ZFYVE21: variants seen among roughly 807,000 people sequenced by gnomAD.
The protein encoded by ZFYVE21 is zinc finger FYVE domain-containing protein 21.
In ZFYVE21, 21 loss-of-function variants were observed where a neutral mutation model predicts 29.5. The observed-to-expected ratio is 0.71, with a 90% confidence interval of 0.50 to 1.02. The LOEUF is 1.02. Among genes scored for constraint, ZFYVE21 ranks in the 50% least tolerant of loss-of-function variants. The probability of loss-of-function intolerance (pLI) is 0.00; values close to 1 mark genes in which losing one functional copy is unlikely to be tolerated. For synonymous variants in ZFYVE21, 151 were observed against 133.8 expected, an observed-to-expected ratio of 1.13 and a Z score of -0.89; for missense variants, 326 against 335.4, an observed-to-expected ratio of 0.97 and a Z score of 0.22.
intron 5 of ZFYVE21, chr14:103,731,701 AGCCTTGGT>A (rs2083976786): frequency 6.6e-6 from 1 of 152,252 alleles, no homozygotes; most frequent in Non-Finnish European, 1.5e-5. Flanking sequence ...CTCCGACTGC[AGCCTTGGT>A]GCCCACTCCA....
At chr14:103,719,755 C>T (rs1390403229) in intron 1 of ZFYVE21, among the ~76,000 whole-genome samples, 1 of 152,024 alleles carries the variant, frequency 6.6e-6, no homozygotes, top group East Asian at 1.9e-4. Flanking sequence ...TTCTGGGAAC[C>T]AGCAGCCTCA....
chr14:103,729,264 T>G, intron 5 of ZFYVE21, 82 bp downstream of exon 5: 1 of 1,451,646 alleles, frequency 6.9e-7, no homozygotes, highest in Non-Finnish European at 9.6e-7. Flanking sequence ...ACTTTTGGGA[T>G]CAGGCAGCTG....
At chr14:103,722,327 G>C (rs1490300418) in intron 1 of ZFYVE21, among the ~76,000 whole-genome samples, 2 of 149,860 alleles carry the variant, frequency 1.3e-5, no homozygotes, top group African/African-American at 2.5e-5. Context: ...TTTTAAGGGG[G>C]CAAATCCTAG....
chr14:103,733,289 C>G lies in ZFYVE21; in HGVS notation c.*271C>G, dbSNP rs578027707. The G allele has an allele frequency of 4.1e-5, 18 of 440,464 alleles. No individual in the cohort carries two copies. Among genetic ancestry groups the G allele is most frequent in the African/African-American group, 3.2e-4 (16 of 50,028 alleles). The allele number at this position is 440,464 out of a possible 1,614,324, so 27.3% of individuals were successfully genotyped here. A position where few individuals can be genotyped will look rare whatever the true frequency, so the allele number is the denominator to read the frequency against. ...GAGACTGAGCTACACTACTGCTAAACTATTTTTAGCATAATATATACCATT... is the reference window on the plus strand; with the variant it reads ...GAGACTGAGCTACACTACTGCTAAAGTATTTTTAGCATAATATATACCATT... On this transcript the variant is annotated 3_prime_UTR_variant, in exon 7 of 7. Transcript: ENST00000311141.
intron 5 of ZFYVE21, chr14:103,729,730 C>T: frequency 6.5e-7 from 1 of 1,527,354 alleles, no homozygotes; most frequent in South Asian, 1.2e-5. Context: ...TGCTTTCCTT[C>T]CGTTCTCTCA....
chr14:103,727,952 C>T, intron 3 of ZFYVE21, 38 bp downstream of exon 3: 1 of 1,567,380 alleles, frequency 6.4e-7, no homozygotes, highest in Non-Finnish European at 8.7e-7. Flanking sequence ...GCGCGCTCCG[C>T]CAGCCGGCTC....
chr14:103,730,140 C>T (rs530336085), intron 5 of ZFYVE21: 4 of 386,212 alleles, frequency 1.0e-5, no homozygotes, highest in East Asian at 9.3e-5. Flanking sequence ...GGCCAGGGGG[C>T]GTGGGGGCTC....
intron 1 of ZFYVE21, among the ~76,000 whole-genome samples, chr14:103,721,285 C>G (rs1304467304): frequency 2.0e-5 from 3 of 152,242 alleles, no homozygotes; most frequent in Non-Finnish European, 4.4e-5. Flanking sequence ...GCCCAGGGCT[C>G]TGACTCCTGT....
chr14:103,729,043 G>T (rs753208483), intron 4 of ZFYVE21, 48 bp from the exon 5 acceptor site: 4 of 1,613,250 alleles, frequency 2.5e-6, no homozygotes, highest in Non-Finnish European at 3.4e-6. Context: ...AGCCTCGGTG[G>T]CACTGAGCCT....
At chr14:103,726,883 AG>A (rs1207852206) in intron 2 of ZFYVE21, 41 bp downstream of exon 2, 1 of 1,601,986 alleles carries the variant, frequency 6.2e-7, no homozygotes, top group African/African-American at 1.4e-5. Flanking sequence ...GGAAGAGGGG[AG>A]GGGCCCCAAC....
intron 1 of ZFYVE21, chr14:103,725,459 C>T (rs1361145537): frequency 6.6e-6 from 1 of 152,320 alleles, no homozygotes; most frequent in Non-Finnish European, 1.5e-5. Context: ...GGCCACGCTC[C>T]ATTTGGGGCT....
At chr14:103,726,550 C>T (rs1292387439) in intron 1 of ZFYVE21, 2 of 525,758 alleles carry the variant, frequency 3.8e-6, no homozygotes, top group African/African-American at 3.9e-5. Flanking sequence ...ACCTCAGGCC[C>T]CATGGTTACG....
chr14:103,715,826 A>C lies in ZFYVE21; in HGVS notation c.-16A>C. ...GCCGGGTGCGGGGCCGCTGGCCGAG[A>C]GGCTGAGGCGGCGTCATGTCCTCCG... On this transcript the variant is annotated 5_prime_UTR_variant, in exon 1 of 7. Coordinates refer to ENST00000311141, the MANE Select transcript of ZFYVE21 (RefSeq NM_024071.4). 6 of 1,370,326 alleles carry C rather than the reference A, an allele frequency of 4.4e-6. No individual in the cohort carries two copies. The highest frequency in any genetic ancestry group is 1.5e-5 in the African/African-American group (1 of 65,616). 84.9% of individuals were successfully genotyped at this position (1,370,326 alleles called of 1,614,324 possible).
At chr14:103,729,509 ACTG>A (rs2083956205) in intron 5 of ZFYVE21, 1 of 576,594 alleles carries the variant, frequency 1.7e-6, no homozygotes, top group Non-Finnish European at 3.1e-6. Flanking sequence ...AAATGCAATA[ACTG>A]AGATCCCCAA....
rs1287570950 is a variant in ZFYVE21, at chr14:103,716,620, C to G, written c.138+641C>G. Among the ~76,000 whole-genome samples, 1 of 152,244 alleles carries G rather than the reference C, an allele frequency of 6.6e-6. No individual in the cohort carries two copies. Among genetic ancestry groups the G allele is most frequent in the Non-Finnish European group, 1.5e-5 (1 of 68,038 alleles). ...TCGGAAGCGAGGTCGCAGTCGCCCA[C>G]TGGACAGTTTGAAGGAGACCGCAGA... is the stretch of plus-strand genomic sequence containing the variant. On this transcript the variant is annotated intron_variant, in intron 1 of 6. Transcript: ENST00000311141. This position sits in a 1 kb window ranked among gnomAD's most constrained non-coding sequence, Gnocchi z 4.8.
Position 103,722,941 on chromosome 14 carries a change from C to T in ZFYVE21, c.139-3851C>T, listed in dbSNP as rs191475438. On this transcript the variant is annotated intron_variant, in intron 1 of 6. Transcript: ENST00000311141. The stretch of plus-strand genomic sequence containing the variant: ...CTGGGATTACAGGCGTGAGCCACTG[C>T]TCCAGCAGTGTGGTGTTATATTTAG... Among the ~76,000 whole-genome samples the T allele has an allele frequency of 5.3e-5, 8 of 152,344 alleles. No homozygotes were observed. The East Asian group carries it at 1.5e-3, about 29-fold the overall frequency.
intron 1 of ZFYVE21, among the ~76,000 whole-genome samples, chr14:103,720,337 A>G (rs182025511): frequency 1.5e-4 from 23 of 152,316 alleles, no homozygotes; most frequent in Admixed American, 2.6e-4. Flanking sequence ...TTATCTTTCA[A>G]TAAAGGTGCA....
intron 2 of ZFYVE21, chr14:103,727,055 C>T: frequency 1.9e-6 from 1 of 516,126 alleles, no homozygotes; most frequent in Non-Finnish European, 3.5e-6. Context: ...AAGTGATTCT[C>T]CTGCCTCAGC....
chr14:103,725,980 T>C (rs1470108455), intron 1 of ZFYVE21: 1 of 152,300 alleles, frequency 6.6e-6, no homozygotes, highest in Non-Finnish European at 1.5e-5. Flanking sequence ...CACCTTCCTG[T>C]TTCTGTCTAC....
Sources: allele counts gnomAD v4.1 joint callset (sites outside exome capture counted in the v4.1 genomes callset), GRCh38; gene constraint gnomAD v4.1.1; non-coding constraint Gnocchi (gnomAD v3.1); transcripts MANE v1.5; gene names NCBI Gene and HGNC (gene_info 2026-07-23, HGNC 2026-07-21).